The following GRIN2B variants were observed in gnomAD, a reference collection of about 807,000 sequenced individuals.
The protein encoded by GRIN2B is glutamate receptor ionotropic, NMDA 2B.
GRIN2B carries 5 observed loss-of-function variants against 114.5 expected under a neutral mutation model. The ratio of observed to expected loss-of-function variants is 0.04; its 90% CI spans 0.02 to 0.09. The LOEUF (loss-of-function observed/expected upper bound fraction) is 0.09, where lower values mean the gene tolerates loss of function less well. Ranked by LOEUF, GRIN2B falls within the 10% of genes least tolerant of loss-of-function variation. The pLI is 1.00. For missense variants in GRIN2B, 1,108 were observed against 1,943.5 expected (o/e 0.57, Z 8.08); for synonymous variants, 787 against 745.1 (o/e 1.06, Z -0.92).
chr12:13,730,335 A>C (rs1235784751), intron 4 of GRIN2B, among the ~76,000 whole-genome samples: 2 of 152,328 alleles, frequency 1.3e-5, no homozygotes, highest in East Asian at 3.9e-4. Context: ...ATGAGCAGGG[A>C]TAGCCCAATA....
chr12:13,873,987 T>C (rs1865954063), intron 2 of GRIN2B, among the ~76,000 whole-genome samples: 1 of 152,222 alleles, frequency 6.6e-6, no homozygotes, highest in African/African-American at 2.4e-5. Context: ...ACATAGGCTT[T>C]GATTATCCAA....
Position 13,827,708 on chromosome 12 carries a change from G to A in GRIN2B, c.411+38090C>T, listed in dbSNP as rs186192759. ...TCTTTGGGTGGGGGGTGGGGACAGAGTTTCACTCTGTCGCCCAGGGTGGAG... is the reference window on the plus strand; with the variant it reads ...TCTTTGGGTGGGGGGTGGGGACAGAATTTCACTCTGTCGCCCAGGGTGGAG... On this transcript the variant is annotated intron_variant, in intron 3 of 13. Transcript: ENST00000609686. 2.3e-3 allele frequency among the ~76,000 whole-genome samples: 351 copies of A among 151,004 alleles called. 2 individuals carry two copies. The highest frequency in any genetic ancestry group is 8.0e-3 in the African/African-American group (330 of 41,070).
chr12:13,891,463 A>C (rs560566292), intron 2 of GRIN2B, among the ~76,000 whole-genome samples: 1 of 152,302 alleles, frequency 6.6e-6, no homozygotes, highest in South Asian at 2.1e-4. Context: ...GTGCATATCT[A>C]TAGATGTGCC....
chr12:13,953,176 C>A (rs1019920624), intron 2 of GRIN2B, among the ~76,000 whole-genome samples: 3 of 152,076 alleles, frequency 2.0e-5, no homozygotes, highest in African/African-American at 7.2e-5. Context: ...CTTCTCACAG[C>A]ATGGCAGCAG....
intron 5 of GRIN2B, among the ~76,000 whole-genome samples, chr12:13,630,924 C>T (rs1388688163): frequency 6.6e-6 from 1 of 152,116 alleles, no homozygotes; most frequent in East Asian, 1.9e-4. Flanking sequence ...CCCCAGGAAA[C>T]TCAAAATCAT....
intron 3 of GRIN2B, among the ~76,000 whole-genome samples, chr12:13,774,483 C>G (rs1863966127): frequency 6.6e-6 from 1 of 152,144 alleles, no homozygotes; most frequent in Non-Finnish European, 1.5e-5. Context: ...AGTGCTGAGT[C>G]TAGAAGAGGC....
At chr12:13,776,830 A>G (rs867728792) in intron 3 of GRIN2B, among the ~76,000 whole-genome samples, 185 of 152,316 alleles carry the variant, frequency 1.2e-3, no homozygotes, top group African/African-American at 4.3e-3. Context: ...AATGGAGGAG[A>G]GGAGACAGGA....
At chr12:13,691,682 G>A (rs1057434306) in intron 4 of GRIN2B, among the ~76,000 whole-genome samples, 1 of 152,122 alleles carries the variant, frequency 6.6e-6, no homozygotes, top group African/African-American at 2.4e-5. Context: ...AGGGGGTTGG[G>A]GTGAGTGTAG....
intron 2 of GRIN2B, among the ~76,000 whole-genome samples, chr12:13,953,384 A>G (rs1867528667): frequency 6.6e-6 from 1 of 152,200 alleles, no homozygotes; most frequent in Non-Finnish European, 1.5e-5. Context: ...CACATTGCAG[A>G]GGAGAATGTG....
intron 10 of GRIN2B, among the ~76,000 whole-genome samples, chr12:13,589,813 T>C (rs1948981466): frequency 1.3e-5 from 2 of 152,098 alleles, no homozygotes; most frequent in Non-Finnish European, 2.9e-5. Context: ...GGGCTGGGAA[T>C]GGAGAAGAGG....
chr12:13,691,804 C>T (rs12321547), intron 4 of GRIN2B, among the ~76,000 whole-genome samples: 3,163 of 152,228 alleles, frequency 0.021, 114 homozygotes, highest in African/African-American at 0.072. Context: ...AACCACATTA[C>T]ATGTACAGAG....
At chr12:13,968,508 C>T (rs1267637846) in intron 2 of GRIN2B, among the ~76,000 whole-genome samples, 1 of 152,298 alleles carries the variant, frequency 6.6e-6, no homozygotes, top group South Asian at 2.1e-4. Context: ...AAGATGGGAT[C>T]TGCTCAACAG....
intron 3 of GRIN2B, among the ~76,000 whole-genome samples, chr12:13,789,637 G>T (rs1565537993): frequency 6.6e-6 from 1 of 152,166 alleles, no homozygotes; most frequent in Non-Finnish European, 1.5e-5. Flanking sequence ...TTATGCTCAT[G>T]TAAGAATTGT....
rs185496713 is a variant in GRIN2B at position 13,934,803 on chromosome 12, T to C, written c.-19+45125A>G. Among the ~76,000 whole-genome samples the C allele has an allele frequency of 3.9e-4, 56 of 144,224 alleles. 1 individual carries two copies. The highest frequency in any genetic ancestry group is 1.8e-3 in the Admixed American group (27 of 14,984). The allele number at this position is 144,224 out of a possible 152,430, so 94.6% of individuals were successfully genotyped here. ...TCACCAACACTCTATATGGAAAGCA[T>C]GGCTCCAAGTTCTGATGTCAGCAAA... On this transcript the variant is annotated intron_variant, in intron 2 of 13. Coordinates refer to ENST00000609686, the MANE Select transcript of GRIN2B (RefSeq NM_000834.5).
chr12:13,947,461 T>C (rs553725035), intron 2 of GRIN2B, among the ~76,000 whole-genome samples: 5 of 152,074 alleles, frequency 3.3e-5, no homozygotes, highest in Non-Finnish European at 7.4e-5. Context: ...AGTTGTAACA[T>C]AGCTCAGACA....
intron 4 of GRIN2B, among the ~76,000 whole-genome samples, chr12:13,721,771 C>T (rs1420787375): frequency 6.6e-6 from 1 of 151,816 alleles, no homozygotes; most frequent in Non-Finnish European, 1.5e-5. Flanking sequence ...AAGCCATAGA[C>T]CAGATGAAGT....
chr12:13,839,601 G>C (rs1401908216), intron 3 of GRIN2B, among the ~76,000 whole-genome samples: 1 of 152,176 alleles, frequency 6.6e-6, no homozygotes, highest in African/African-American at 2.4e-5. Context: ...CTTTGGCTCA[G>C]AGAGGTTCAG....
At chr12:13,813,246 A>C (rs1215082025) in intron 3 of GRIN2B, among the ~76,000 whole-genome samples, 1 of 152,032 alleles carries the variant, frequency 6.6e-6, no homozygotes, top group Admixed American at 6.6e-5. Flanking sequence ...GGGAAATTTT[A>C]TATGAAACTG....
intron 4 of GRIN2B, among the ~76,000 whole-genome samples, chr12:13,687,943 G>A (rs1950185576): frequency 6.6e-6 from 1 of 152,090 alleles, no homozygotes; most frequent in African/African-American, 2.4e-5. Flanking sequence ...TCTTATTTCT[G>A]CTCTGGCTGC....
Sources: gnomAD v4.1 joint callset for allele counts (sites outside exome capture counted in the v4.1 genomes callset) on GRCh38, gnomAD v4.1.1 for gene constraint, MANE v1.5 for transcripts, NCBI Gene and HGNC (gene_info 2026-07-23, HGNC 2026-07-21) for gene names.